Variants in ZNF451 observed in about 807,000 individuals in gnomAD.
ZNF451 encodes the protein E3 SUMO-protein ligase ZNF451.
Under a neutral mutation model 107.1 loss-of-function variants are expected in ZNF451, and 80 were observed. The ratio of observed to expected loss-of-function variants is 0.75; its 90% CI spans 0.62 to 0.90. The LOEUF (loss-of-function observed/expected upper bound fraction) is 0.90, where lower values mean the gene tolerates loss of function less well. Ranked by LOEUF, ZNF451 falls within the 40% of genes least tolerant of loss-of-function variation. The pLI is 0.00. For synonymous variants in ZNF451, 362 were observed against 406.5 expected (o/e 0.89, Z 1.32); for missense variants, 1,107 against 1,236.2 (o/e 0.90, Z 1.57).
chr6:57,147,330 G>A lies in ZNF451; in HGVS notation c.1245G>A (p.Leu415=). 6.2e-7 allele frequency: 1 copy of A among 1,614,040 alleles called. No homozygotes were observed. Among genetic ancestry groups the A allele is most frequent in the South Asian group, 1.1e-5 (1 of 91,076 alleles). Residue 415 remains leucine (L), a synonymous_variant, in exon 10 of 15, where the codon TTG becomes TTA. Coordinates refer to ENST00000370706, the MANE Select transcript of ZNF451 (RefSeq NM_001031623.3). ...SEGNKDPSSD[L]HLLLDQSKFS... ...GGAACAAGGATCCTTCTTCTGACTT[G>A]CATTTATTGTTGGATCAATCAAAAT...
intron 13 of ZNF451, chr6:57,158,892 T>TA (rs1562629613): frequency 1.0e-6 from 1 of 985,358 alleles, no homozygotes; most frequent in Admixed American, 6.1e-5. Flanking sequence ...CTATGAGTCA[T>TA]ACCAATTACA....
chr6:57,157,512 G>C (rs1195481935), intron 13 of ZNF451, among the ~76,000 whole-genome samples: 1 of 152,134 alleles, frequency 6.6e-6, no homozygotes, highest in East Asian at 1.9e-4. Flanking sequence ...GACTTGGTTA[G>C]TTAGGGTAAA....
chr6:57,111,332 T>C lies in ZNF451; in HGVS notation c.186+12191T>C, dbSNP rs570890618. ...AGGGTTAAAAAACTCCCTTTTGCTT[T>C]GTCACACTTCATATTCAGAGTTACT... is the stretch of plus-strand genomic sequence containing the variant. On this transcript the variant is annotated intron_variant, in intron 3 of 14. Coordinates refer to ENST00000370706, the MANE Select transcript of ZNF451 (RefSeq NM_001031623.3). Among the ~76,000 whole-genome samples the C allele has an allele frequency of 1.3e-3, 195 of 151,858 alleles. 3 individuals are homozygous for C. Among genetic ancestry groups the C allele is most frequent in the Non-Finnish European group, 2.2e-4 (15 of 67,940 alleles).
intron 3 of ZNF451, chr6:57,104,401 T>G: frequency 3.0e-6 from 3 of 985,400 alleles, no homozygotes; most frequent in Non-Finnish European, 2.4e-6. Flanking sequence ...TAAGGCTACT[T>G]CAGACTTTTC....
At chr6:57,114,750 GAGATCC>G (rs1351209182) in intron 3 of ZNF451, 1 of 152,076 alleles carries the variant, frequency 6.6e-6, no homozygotes, top group African/African-American at 2.4e-5. Flanking sequence ...ACAAAAGACT[GAGATCC>G]TTAACATTTT....
rs1359370282 is a variant in ZNF451, at chr6:57,108,281, C to G, written c.186+9140C>G. The G allele has an allele frequency of 3.0e-6, 3 of 985,252 alleles. No homozygotes were observed. In the African/African-American group the frequency reaches 5.2e-5, roughly 17 times the overall value. The allele number at this position is 985,252 out of a possible 1,614,324, so 61.0% of individuals were successfully genotyped here. ...ATCATAGTACTGTTTTCTTTCATTA[C>G]CCGTAAGAGTGGCTCTATCACAGCA... On this transcript the variant is annotated intron_variant, in intron 3 of 14. Coordinates refer to ENST00000370706, the MANE Select transcript of ZNF451 (RefSeq NM_001031623.3).
At chr6:57,165,782 A>G (rs1006202906) in intron 14 of ZNF451, 2 of 152,232 alleles carry the variant, frequency 1.3e-5, no homozygotes, top group African/African-American at 4.8e-5. Flanking sequence ...AAACCTGTAT[A>G]GCATGTTATT....
rs148809125 is a variant in ZNF451, at chr6:57,119,465, A to T, written c.187-5269A>T. 8.3e-3 allele frequency among the ~76,000 whole-genome samples: 1,262 copies of T among 152,260 alleles called. 19 individuals are homozygous for T. Among genetic ancestry groups the T allele is most frequent in the African/African-American group, 0.029 (1,198 of 41,546 alleles). ...TTTGAACCTGGGAGGCAGAGGTTGC[A>T]GTGAGCCGAGATCGCGCCACTGCAC... is the stretch of plus-strand genomic sequence containing the variant. On this transcript the variant is annotated intron_variant, in intron 3 of 14. Coordinates refer to ENST00000370706, the MANE Select transcript of ZNF451 (RefSeq NM_001031623.3).
At chr6:57,154,070 C>T in intron 13 of ZNF451, 23 bp downstream of exon 13, 1 of 1,613,112 alleles carries the variant, frequency 6.2e-7, no homozygotes, top group South Asian at 1.1e-5. Context: ...AGTCACAGTG[C>T]AAACCACCCA....
intron 3 of ZNF451, among the ~76,000 whole-genome samples, chr6:57,119,838 C>T (rs968668636): frequency 6.6e-6 from 1 of 151,516 alleles, no homozygotes; most frequent in Non-Finnish European, 1.5e-5. Context: ...AACCTTGTAG[C>T]AGGAGAATTG....
chr6:57,096,767 CTTTTTTTTTTTT>C (rs772840052), intron 2 of ZNF451, among the ~76,000 whole-genome samples: 10 of 79,952 alleles, frequency 1.3e-4, no homozygotes, highest in South Asian at 3.9e-4. Flanking sequence ...AATTTTCAGT[CTTTTTTTTTTTT>C]TTTTTTTTTT....
intron 14 of ZNF451, among the ~76,000 whole-genome samples, chr6:57,166,032 CT>C (rs771699720): frequency 1.3e-3 from 196 of 145,412 alleles, no homozygotes; most frequent in South Asian, 1.3e-3. Flanking sequence ...GGCTATACTA[CT>C]TTTTTTTTTT....
chr6:57,147,193 G>A lies in ZNF451; in HGVS notation c.1108G>A (p.Val370Ile), dbSNP rs1351729778. ...AGGTTATTGTCCAGATTGCAATCAA[G>A]TCTTTGTGGATGAAACCAGCACCCA... ...LRGYCPDCNQ[V>I]FVDETSTQNH... is the part of the protein sequence containing the mutation. Residue 370 changes from valine to isoleucine, a missense_variant, in exon 10 of 15, where the codon GTC becomes ATC. Physicochemically the swap from Val to Ile is conservative, Grantham distance 29. Coordinates refer to ENST00000370706, the MANE Select transcript of ZNF451 (RefSeq NM_001031623.3). The A allele has an allele frequency of 5.6e-6, 9 of 1,613,962 alleles. No individual in the cohort carries two copies.
chr6:57,168,698 T>G lies in ZNF451; in HGVS notation c.*229T>G, dbSNP rs1764010524. ...GTTCATGCAAATATAAATTATGTAT[T>G]CTAATATAGGTGTAACAGTTTCCCA... is the stretch of plus-strand genomic sequence containing the variant. On this transcript the variant is annotated 3_prime_UTR_variant, in exon 15 of 15. Transcript: ENST00000370706. The G allele has an allele frequency of 6.3e-6, 3 of 473,806 alleles. No homozygotes were observed. The East Asian group carries it at 1.2e-4, about 19-fold the overall frequency. 29.4% of individuals were successfully genotyped at this position (473,806 alleles called of 1,614,324 possible). A position where few individuals can be genotyped will look rare whatever the true frequency, so the allele number is the denominator to read the frequency against.
chr6:57,165,786 T>C (rs896449184), intron 14 of ZNF451: 6 of 152,236 alleles, frequency 3.9e-5, no homozygotes, highest in African/African-American at 1.4e-4. Context: ...CTGTATAGCA[T>C]GTTATTGTGC....
intron 7 of ZNF451, among the ~76,000 whole-genome samples, chr6:57,135,653 T>A (rs1831393103): frequency 6.6e-6 from 1 of 152,168 alleles, no homozygotes; most frequent in Non-Finnish European, 1.5e-5. Context: ...ATCGAATCAA[T>A]GCATACATTT....
intron 3 of ZNF451, chr6:57,104,425 C>G: frequency 1.0e-6 from 1 of 985,184 alleles, no homozygotes; most frequent in Non-Finnish European, 1.2e-6. Context: ...TTCCATTTGT[C>G]CCCTTTTCCT....
chr6:57,139,555 A>G (rs1488685024), intron 7 of ZNF451, among the ~76,000 whole-genome samples: 4 of 152,206 alleles, frequency 2.6e-5, no homozygotes, highest in African/African-American at 9.6e-5. Context: ...GCACAATACA[A>G]TGTTTGAGGC....
Position 57,141,428 on chromosome 6 carries a change from C to G in ZNF451, c.829C>G (p.His277Asp). 2.5e-6 allele frequency: 4 copies of G among 1,611,978 alleles called. No individual in the cohort carries two copies. Among genetic ancestry groups the G allele is most frequent in the Non-Finnish European group, 2.5e-6 (3 of 1,178,906 alleles). ...TTCAAAGCATATGTCTGGAAAGAAT[C>G]ATTTCCATCAGAGTTTCAAACTGGG... is the stretch of plus-strand genomic sequence containing the variant. ...ECSKHMSGKN[H>D]FHQSFKLGDN... The change falls in exon 8 of 15, where the codon CAT becomes GAT. Residue 277 changes from histidine to aspartate, a missense_variant. Transcript: ENST00000370706.
Sources: allele counts gnomAD v4.1 joint callset (sites outside exome capture counted in the v4.1 genomes callset), GRCh38; gene constraint gnomAD v4.1.1; transcripts MANE v1.5; gene names NCBI Gene and HGNC (gene_info 2026-07-23, HGNC 2026-07-21).